Variants in TMEM161B observed in about 807,000 individuals in gnomAD.
TMEM161B encodes the protein transmembrane protein 161B.
Under a neutral mutation model 61.8 loss-of-function variants are expected in TMEM161B, and 34 were observed. That is an observed-to-expected ratio of 0.55 (90% confidence interval 0.42 to 0.73). The LOEUF (loss-of-function observed/expected upper bound fraction) is 0.73, where lower values mean the gene tolerates loss of function less well. TMEM161B is among the 30% of genes least tolerant of loss of function. The pLI is 0.00. For synonymous variants in TMEM161B, 167 were observed against 192.8 expected (o/e 0.87, Z 1.11); for missense variants, 456 against 558.5 (o/e 0.82, Z 1.85).
chr5:88,239,453 T>A (rs1178249387), intron 2 of TMEM161B, among the ~76,000 whole-genome samples: 1 of 151,988 alleles, frequency 6.6e-6, no homozygotes, highest in Non-Finnish European at 1.5e-5. Context: ...CTTTTCCTGA[T>A]CTTCGAAAAT....
intron 8 of TMEM161B, among the ~76,000 whole-genome samples, chr5:88,204,225 A>G (rs981590960): frequency 1.3e-5 from 2 of 152,128 alleles, no homozygotes; most frequent in African/African-American, 4.8e-5. Context: ...TCTTTGTGCC[A>G]GTCATGTTAC....
chr5:88,192,998 C>T (rs570260081), downstream of TMEM161B, among the ~76,000 whole-genome samples: 7 of 152,140 alleles, frequency 4.6e-5, no homozygotes, highest in Admixed American at 4.6e-4. Flanking sequence ...GGAAGAAATG[C>T]CACTATTTTA....
intron 4 of TMEM161B, among the ~76,000 whole-genome samples, chr5:88,224,959 GTTTTTGT>G (rs1178837918): frequency 4.1e-4 from 41 of 101,198 alleles, no homozygotes; most frequent in South Asian, 7.2e-4. Flanking sequence ...CACAAAATAT[GTTTTTGT>G]TTTTTTTTTT....
intron 3 of TMEM161B, 50 bp from the exon 4 acceptor site, chr5:88,225,916 T>C: frequency 1.7e-6 from 2 of 1,166,722 alleles, no homozygotes; most frequent in South Asian, 1.5e-5. Flanking sequence ...TACACTGTTA[T>C]CCAAGTGCTT....
intron 2 of TMEM161B, among the ~76,000 whole-genome samples, chr5:88,236,084 T>C (rs1751798238): frequency 1.3e-5 from 2 of 152,164 alleles, no homozygotes; most frequent in African/African-American, 2.4e-5. Context: ...TGCAGATTAC[T>C]GGATCAGGCA....
At chr5:88,209,649 T>C (rs893868420) in intron 5 of TMEM161B, among the ~76,000 whole-genome samples, 27 of 152,242 alleles carry the variant, frequency 1.8e-4, no homozygotes, top group African/African-American at 6.0e-4. Flanking sequence ...TCATATTGCA[T>C]ACTGGATAAA....
At chr5:88,218,343 A>C (rs1748293984) in intron 5 of TMEM161B, among the ~76,000 whole-genome samples, 1 of 152,200 alleles carries the variant, frequency 6.6e-6, no homozygotes, top group African/African-American at 2.4e-5. Flanking sequence ...TCTAGAACTC[A>C]AGAACATCAG....
chr5:88,206,047 A>C (rs927742143), intron 7 of TMEM161B, 93 bp from the exon 8 acceptor site: 1 of 1,056,318 alleles, frequency 9.5e-7, no homozygotes, highest in South Asian at 1.6e-5. Context: ...ACAAATAACA[A>C]TAACAGTAAA....
In TMEM161B at chr5:88,205,426, GTT is replaced by G. The variant is rs1182018506; in HGVS notation, c.800+386_800+387del. On this transcript the variant is annotated intron_variant, in intron 8 of 11. Coordinates refer to ENST00000296595, the MANE Select transcript of TMEM161B (RefSeq NM_153354.5). The stretch of plus-strand genomic sequence containing the variant: ...TTTAAGTAAAATTTTACATTAAAAA[GTT>G]AATTTAAATAGATATATATGAAAAT... Among the ~76,000 whole-genome samples the G allele has an allele frequency of 4.6e-5, 7 of 151,942 alleles. No individual in the cohort carries two copies. In the East Asian group the frequency reaches 1.4e-3, roughly 29 times the overall value.
chr5:88,241,966 T>A (rs867107980), intron 1 of TMEM161B, among the ~76,000 whole-genome samples: 2 of 151,760 alleles, frequency 1.3e-5, no homozygotes, highest in Non-Finnish European at 1.5e-5. Context: ...AAAGCAAATC[T>A]CTCTATCTGT....
intron 5 of TMEM161B, among the ~76,000 whole-genome samples, chr5:88,213,458 T>C (rs886185167): frequency 1.2e-4 from 19 of 152,100 alleles, no homozygotes; most frequent in Non-Finnish European, 2.5e-4. Flanking sequence ...TAAAACGCCA[T>C]TCCACAAAAA....
At chr5:88,245,525 A>G (rs1753478643) in intron 1 of TMEM161B, among the ~76,000 whole-genome samples, 1 of 151,962 alleles carries the variant, frequency 6.6e-6, no homozygotes, top group African/African-American at 2.4e-5. Flanking sequence ...AACTAACAGC[A>G]TTACACGGAA....
chr5:88,256,203 A>C (rs895481668), intron 1 of TMEM161B, among the ~76,000 whole-genome samples: 1 of 152,184 alleles, frequency 6.6e-6, no homozygotes, highest in African/African-American at 2.4e-5. Context: ...CACAGTTAAA[A>C]GAGGTTGAAT....
At chr5:88,216,269 T>C (rs1561343029) in intron 5 of TMEM161B, among the ~76,000 whole-genome samples, 1 of 151,930 alleles carries the variant, frequency 6.6e-6, no homozygotes, top group Non-Finnish European at 1.5e-5. Context: ...GAAAAGGCAA[T>C]ATTTTGGAGA....
chr5:88,260,152 T>C (rs1401244369), intron 1 of TMEM161B, among the ~76,000 whole-genome samples: 2 of 152,228 alleles, frequency 1.3e-5, no homozygotes, highest in African/African-American at 4.8e-5. Context: ...GCAGCTGTTA[T>C]CGTTATTGAG....
At position 88,207,134 on chromosome 5, in the gene TMEM161B, C is replaced by G; in HGVS notation, c.493G>C (p.Gly165Arg). 6.2e-7 allele frequency: 1 copy of G among 1,613,052 alleles called. No homozygotes were observed. Among genetic ancestry groups the G allele is most frequent in the Non-Finnish European group, 8.5e-7 (1 of 1,179,468 alleles). The change falls in exon 6 of 12, where the codon GGT becomes CGT. Residue 165 changes from glycine (G) to arginine (R), a missense_variant. Gly to Arg is a moderately radical substitution (Grantham distance 125, BLOSUM62 -2). This residue lies in a region of TMEM161B where 367 missense variants were observed against 427.3 expected (regional missense o/e 0.86). Transcript: ENST00000296595. ...LTTHYFKVED[G>R]GERSVCVTFG... ...GTGACACAAACAGATCTTTCACCACCATCTTCTACTTTAAAATAGTGTGTA... is the reference window on the plus strand; with the variant it reads ...GTGACACAAACAGATCTTTCACCACGATCTTCTACTTTAAAATAGTGTGTA...
At chr5:88,227,260 CAG>C (rs1443674750) in intron 3 of TMEM161B, among the ~76,000 whole-genome samples, 2 of 152,232 alleles carry the variant, frequency 1.3e-5, no homozygotes, top group East Asian at 3.9e-4. Flanking sequence ...TAAAAAGAAA[CAG>C]AAACTAAAAA....
chr5:88,221,558 A>T, intron 4 of TMEM161B: 1 of 369,286 alleles, frequency 2.7e-6, no homozygotes, highest in East Asian at 7.3e-5. Flanking sequence ...TCTGCAAAAA[A>T]GTTTATAAAA....
At chr5:88,191,888 C>A (rs1248706185), downstream of TMEM161B, among the ~76,000 whole-genome samples, 1 of 135,142 alleles carries the variant, frequency 7.4e-6, no homozygotes, top group African/African-American at 2.8e-5. Context: ...ACCCGGGAGG[C>A]GGAGCTTGCA....
Sources: gnomAD v4.1 joint callset for allele counts (sites outside exome capture counted in the v4.1 genomes callset) on GRCh38, gnomAD v4.1.1 for gene constraint, gnomAD v4.1.1 regional missense constraint, MANE v1.5 for transcripts, NCBI Gene and HGNC (gene_info 2026-07-23, HGNC 2026-07-21) for gene names.